The following DOCK3 variants were observed in gnomAD, a reference collection of about 807,000 sequenced individuals.
DOCK3 encodes dedicator of cytokinesis protein 3.
DOCK3 carries 60 observed loss-of-function variants against 265.6 expected under a neutral mutation model. That is an observed-to-expected ratio of 0.23 (90% CI 0.18 to 0.28). The LOEUF (loss-of-function observed/expected upper bound fraction) is 0.28, where lower values mean the gene tolerates loss of function less well. Ranked by LOEUF, DOCK3 falls within the 10% of genes least tolerant of loss-of-function variation. The probability of loss-of-function intolerance (pLI) is 1.00; values close to 1 mark genes in which losing one functional copy is unlikely to be tolerated. For missense variants in DOCK3, 1,981 were observed against 2,594.3 expected, an observed-to-expected ratio of 0.76 and a Z score of 5.14; for synonymous variants, 881 against 938.0, an observed-to-expected ratio of 0.94 and a Z score of 1.11.
chr3:51,273,179 A>G (rs2080609756), intron 24 of DOCK3, among the ~76,000 whole-genome samples: 1 of 151,596 alleles, frequency 6.6e-6, no homozygotes, highest in Non-Finnish European at 1.5e-5. Flanking sequence ...AAAAAAAAAG[A>G]AAGAAAATGC....
chr3:51,326,264 ATT>A (rs35044295), intron 32 of DOCK3, among the ~76,000 whole-genome samples: 150 of 137,102 alleles, frequency 1.1e-3, no homozygotes, highest in African/African-American at 1.9e-3. Context: ...ATTTTTTTTA[ATT>A]TTTTTTTTTT....
rs755380250 is a variant in DOCK3 at position 51,357,187 on chromosome 3, G to A, written c.4683+46G>A. On this transcript the variant is annotated intron_variant, in intron 44 of 52. Coordinates refer to ENST00000266037, the MANE Select transcript of DOCK3 (RefSeq NM_004947.5). Reference sequence around the variant, plus strand: ...AAACCCATGCAGCCAGCCTGGCCAGGAAGGCGGCTCACAGGCTTCTCTTTT... The same window carrying A: ...AAACCCATGCAGCCAGCCTGGCCAGAAAGGCGGCTCACAGGCTTCTCTTTT... 1.5e-5 allele frequency: 24 copies of A among 1,579,528 alleles called. No homozygotes were observed. In the South Asian group the frequency reaches 2.0e-4, roughly 13 times the overall value.
At chr3:51,196,756 T>C (rs1206822561) in intron 12 of DOCK3, among the ~76,000 whole-genome samples, 2 of 152,232 alleles carry the variant, frequency 1.3e-5, no homozygotes, top group Non-Finnish European at 2.9e-5. Context: ...ACTATGTCTT[T>C]GGTAAATTTC....
intron 5 of DOCK3, among the ~76,000 whole-genome samples, chr3:50,937,189 A>C (rs1017419812): frequency 6.0e-5 from 9 of 150,922 alleles, no homozygotes; most frequent in Non-Finnish European, 1.3e-4. Flanking sequence ...AAACAGGAGT[A>C]TCACTTGAAC....
At chr3:50,743,261 G>C (rs190519834) in intron 1 of DOCK3, among the ~76,000 whole-genome samples, 131 of 152,062 alleles carry the variant, frequency 8.6e-4, no homozygotes, top group African/African-American at 2.9e-3. Flanking sequence ...AAAGACCATC[G>C]AGGCTAGGAA....
At chr3:51,242,906 AG>A (rs910773945) in intron 21 of DOCK3, among the ~76,000 whole-genome samples, 10 of 152,088 alleles carry the variant, frequency 6.6e-5, no homozygotes, top group African/African-American at 2.4e-4. Context: ...CAGTATGGGG[AG>A]GGGGCATGCA....
chr3:50,683,836 TCCC>T (rs71080600), intron 1 of DOCK3, among the ~76,000 whole-genome samples: 2 of 60,654 alleles, frequency 3.3e-5, no homozygotes, highest in African/African-American at 1.5e-4. Context: ...CCCGCTCTCC[TCCC>T]CCCCCCCCAC....
intron 27 of DOCK3, among the ~76,000 whole-genome samples, chr3:51,299,035 A>C (rs1358537909): frequency 1.3e-5 from 2 of 152,202 alleles, no homozygotes; most frequent in Non-Finnish European, 2.9e-5. Flanking sequence ...CATTCCCACC[A>C]ACCGTGTAAA....
At chr3:51,090,138 G>A in intron 8 of DOCK3, 92 bp from the exon 9 acceptor site, 1 of 1,323,586 alleles carries the variant, frequency 7.6e-7, no homozygotes, top group Non-Finnish European at 1.0e-6. Flanking sequence ...TCAGTAGTGT[G>A]AAAAGAGTTT....
chr3:51,367,695 A>G (rs1034983958), intron 49 of DOCK3, among the ~76,000 whole-genome samples: 1 of 152,186 alleles, frequency 6.6e-6, no homozygotes, highest in Non-Finnish European at 1.5e-5. Context: ...GGTGGTGACA[A>G]AATCTCTCAG....
At chr3:50,819,460 A>G (rs1289831532) in intron 2 of DOCK3, among the ~76,000 whole-genome samples, 1 of 152,228 alleles carries the variant, frequency 6.6e-6, no homozygotes, top group African/African-American at 2.4e-5. Context: ...TGAACACACT[A>G]TTCCTTAGAT....
intron 3 of DOCK3, among the ~76,000 whole-genome samples, chr3:50,869,327 T>G (rs1217078985): frequency 6.7e-6 from 1 of 148,160 alleles, no homozygotes; most frequent in African/African-American, 2.5e-5. Flanking sequence ...TCAATTTTAT[T>G]TATTTCTGCT....
chr3:51,225,865 G>T, intron 15 of DOCK3, 92 bp downstream of exon 15: 1 of 1,439,884 alleles, frequency 6.9e-7, no homozygotes, highest in African/African-American at 1.4e-5. Flanking sequence ...CTTCAAGCAG[G>T]ATTAAAATCA....
At chr3:50,719,681 G>A in intron 1 of DOCK3, 1 of 1,555,286 alleles carries the variant, frequency 6.4e-7, no homozygotes, top group Non-Finnish European at 8.8e-7. Flanking sequence ...CATTTGACAT[G>A]GACAAGATGC....
chr3:51,062,266 A>G (rs974333016), intron 5 of DOCK3, among the ~76,000 whole-genome samples: 5 of 152,176 alleles, frequency 3.3e-5, no homozygotes, highest in African/African-American at 1.2e-4. Flanking sequence ...AAGGTGGTTT[A>G]CAAAATCTGT....
chr3:51,233,771 G>A (rs2078239871), intron 19 of DOCK3, among the ~76,000 whole-genome samples: 1 of 152,186 alleles, frequency 6.6e-6, no homozygotes, highest in African/African-American at 2.4e-5. Context: ...AAACGCAATT[G>A]CATTCTTGAT....
intron 10 of DOCK3, among the ~76,000 whole-genome samples, chr3:51,155,406 A>G (rs2085798983): frequency 2.0e-5 from 3 of 152,218 alleles, no homozygotes; most frequent in African/African-American, 7.2e-5. Context: ...GAAATTATAT[A>G]GGTGGGACCT....
intron 5 of DOCK3, among the ~76,000 whole-genome samples, chr3:51,059,827 T>C (rs1186620428): frequency 1.3e-5 from 2 of 152,110 alleles, no homozygotes; most frequent in Middle Eastern, 3.2e-3. Flanking sequence ...CCTACCTAAA[T>C]CAAACCCTCC....
chr3:50,972,650 T>A (rs1448861720), intron 5 of DOCK3, among the ~76,000 whole-genome samples: 1 of 152,232 alleles, frequency 6.6e-6, no homozygotes, highest in Non-Finnish European at 1.5e-5. Flanking sequence ...CCTGTGTGCC[T>A]GCTGCAATTC....
Sources: gnomAD v4.1 joint callset for allele counts (sites outside exome capture counted in the v4.1 genomes callset) on GRCh38, gnomAD v4.1.1 for gene constraint, MANE v1.5 for transcripts, NCBI Gene and HGNC (gene_info 2026-07-23, HGNC 2026-07-21) for gene names.